The following NRF1 variants were observed in gnomAD, a reference collection of about 807,000 sequenced individuals.
NRF1 encodes alpha palindromic-binding protein.
NRF1 carries 5 observed loss-of-function variants against 58.5 expected under a neutral mutation model. The observed-to-expected ratio is 0.09, with a 90% CI of 0.04 to 0.18. The LOEUF is 0.18. Ranked by LOEUF, NRF1 falls within the 10% of genes least tolerant of loss-of-function variation. The pLI, the probability that NRF1 is intolerant of heterozygous loss-of-function variation, is 1.00. For synonymous variants in NRF1, 224 were observed against 246.7 expected, an observed-to-expected ratio of 0.91 and a Z score of 0.86; for missense variants, 288 against 657.7, an observed-to-expected ratio of 0.44 and a Z score of 6.15.
chr7:129,648,695 C>T (rs1459941168), intron 1 of NRF1, among the ~76,000 whole-genome samples: 1 of 152,116 alleles, frequency 6.6e-6, no homozygotes, highest in East Asian at 1.9e-4. Flanking sequence ...TGTCTCCTGA[C>T]TCCCTCACCA....
intron 10 of NRF1, among the ~76,000 whole-genome samples, chr7:129,742,467 A>G (rs1803872120): frequency 6.6e-6 from 1 of 151,938 alleles, no homozygotes; most frequent in Admixed American, 6.6e-5. Flanking sequence ...TCCTCTCCTT[A>G]TTCCCGTAGC....
intron 9 of NRF1, among the ~76,000 whole-genome samples, chr7:129,720,371 G>A (rs1369861489): frequency 6.6e-6 from 1 of 152,168 alleles, no homozygotes; most frequent in Non-Finnish European, 1.5e-5. Context: ...GCTTCTTTGT[G>A]GACGAGATGC....
chr7:129,647,587 G>A, intron 1 of NRF1, among the ~76,000 whole-genome samples: 1 of 151,846 alleles, frequency 6.6e-6, no homozygotes. Context: ...GTAGAGATAG[G>A]GTTTCACCAT....
chr7:129,636,319 C>T (rs1584594504), intron 1 of NRF1, among the ~76,000 whole-genome samples: 1 of 151,804 alleles, frequency 6.6e-6, no homozygotes, highest in Non-Finnish European at 1.5e-5. Flanking sequence ...ACTGCAACCT[C>T]CATCTCCTGG....
Position 129,634,059 on chromosome 7 carries a change from T to C in NRF1, c.-7+22235T>C, listed in dbSNP as rs200913604. Among the ~76,000 whole-genome samples the C allele has an allele frequency of 2.2e-3, 273 of 124,838 alleles. 1 individual carries two copies. The highest frequency in any genetic ancestry group is 7.5e-3 in the African/African-American group (248 of 33,122). The allele number at this position is 124,838 out of a possible 152,430, so 81.9% of individuals were successfully genotyped here. A position where few individuals can be genotyped will look rare whatever the true frequency, so the allele number is the denominator to read the frequency against. ...AAAAAAAAAGATATATATATATATA[T>C]ATACACACACACACACACACACACA... On this transcript the variant is annotated intron_variant, in intron 1 of 10. Transcript: ENST00000393232.
intron 8 of NRF1, among the ~76,000 whole-genome samples, chr7:129,714,489 C>T (rs1562980295): frequency 6.6e-6 from 1 of 152,298 alleles, no homozygotes; most frequent in East Asian, 1.9e-4. Flanking sequence ...TTTGAGCGGA[C>T]TCATCAGCCA....
chr7:129,671,390 G>A (rs1802044581), intron 2 of NRF1, 39 bp from the exon 3 acceptor site: 2 of 1,313,794 alleles, frequency 1.5e-6, no homozygotes, highest in Non-Finnish European at 2.2e-6. Flanking sequence ...ACAGTTTACA[G>A]GCAGCTGCCT....
intron 2 of NRF1, among the ~76,000 whole-genome samples, chr7:129,669,849 C>G (rs1802007241): frequency 6.6e-6 from 1 of 152,126 alleles, no homozygotes; most frequent in Non-Finnish European, 1.5e-5. Flanking sequence ...GGGTATTTAT[C>G]CAACAGAATT....
chr7:129,652,607 AT>A (rs561092448), intron 1 of NRF1, among the ~76,000 whole-genome samples: 161 of 152,084 alleles, frequency 1.1e-3, no homozygotes, highest in African/African-American at 3.6e-3. Flanking sequence ...TTATTTATTT[AT>A]TTATTTGAGA....
chr7:129,697,891 C>T (rs1188637381), intron 5 of NRF1, among the ~76,000 whole-genome samples: 1 of 151,924 alleles, frequency 6.6e-6, no homozygotes, highest in Admixed American at 6.6e-5. Flanking sequence ...GACGCCACCA[C>T]GCTAGGTTAA....
intron 1 of NRF1, among the ~76,000 whole-genome samples, chr7:129,632,761 T>G (rs899151942): frequency 6.6e-6 from 1 of 152,246 alleles, no homozygotes; most frequent in African/African-American, 2.4e-5. Context: ...TTACTCACTT[T>G]AAATGCTGTA....
intron 1 of NRF1, among the ~76,000 whole-genome samples, chr7:129,614,261 G>T (rs1345077380): frequency 6.6e-6 from 1 of 151,890 alleles, no homozygotes; most frequent in African/African-American, 2.4e-5. Context: ...GATTACAGGC[G>T]TGGGCCACCA....
At chr7:129,734,751 A>C (rs144679630) in intron 10 of NRF1, among the ~76,000 whole-genome samples, 1 of 152,298 alleles carries the variant, frequency 6.6e-6, no homozygotes, top group Admixed American at 6.5e-5. Context: ...TGTCTTCTTG[A>C]CTGGAGTTGG....
intron 5 of NRF1, among the ~76,000 whole-genome samples, chr7:129,701,621 G>A (rs999835787): frequency 7.2e-6 from 1 of 139,024 alleles, no homozygotes; most frequent in African/African-American, 2.5e-5. Context: ...AAAAAAAAAA[G>A]AGAGAAAACT....
In NRF1 at chr7:129,724,091, CAGT is replaced by C. The variant is rs547911041; in HGVS notation, c.1224-3147_1224-3145del. ...TAAAATGTGTGCATCAAAAGACTATCAGTAGAGGAAAAAGGCAAGCCACAGAAT... is the reference window on the plus strand; with the variant it reads ...TAAAATGTGTGCATCAAAAGACTATCAGAGGAAAAAGGCAAGCCACAGAAT... On this transcript the variant is annotated intron_variant, in intron 9 of 10. Coordinates refer to ENST00000393232, the MANE Select transcript of NRF1 (RefSeq NM_005011.5). 6.8e-4 allele frequency among the ~76,000 whole-genome samples: 104 copies of C among 152,258 alleles called. 1 individual carries two copies. The highest frequency in any genetic ancestry group is 5.6e-3 in the South Asian group (27 of 4,824).
At chr7:129,617,331 T>A (rs1298294475) in intron 1 of NRF1, among the ~76,000 whole-genome samples, 3 of 152,214 alleles carry the variant, frequency 2.0e-5, no homozygotes, top group Non-Finnish European at 4.4e-5. Context: ...GTGGTTAGGC[T>A]GGCAGCTAAA....
chr7:129,744,500 C>A (rs931181981), intron 10 of NRF1, among the ~76,000 whole-genome samples: 1 of 152,052 alleles, frequency 6.6e-6, no homozygotes, highest in African/African-American at 2.4e-5. Context: ...AGTGGCTATT[C>A]CCAGACTACA....
intron 8 of NRF1, among the ~76,000 whole-genome samples, chr7:129,714,286 A>G (rs1343143983): frequency 6.6e-6 from 1 of 152,228 alleles, no homozygotes; most frequent in Non-Finnish European, 1.5e-5. Context: ...CATTTTCACT[A>G]CAAATATAGT....
intron 1 of NRF1, among the ~76,000 whole-genome samples, chr7:129,654,372 A>C (rs753069681): frequency 2.0e-5 from 3 of 151,730 alleles, no homozygotes; most frequent in Non-Finnish European, 2.9e-5. Context: ...AATCCTTCTG[A>C]TTCATCTTTT....
Sources: gnomAD v4.1 joint callset for allele counts (sites outside exome capture counted in the v4.1 genomes callset) on GRCh38, gnomAD v4.1.1 for gene constraint, MANE v1.5 for transcripts, NCBI Gene and HGNC (gene_info 2026-07-23, HGNC 2026-07-21) for gene names.